Variants in PCDH19 observed in about 807,000 individuals in gnomAD.
PCDH19 encodes the protein protocadherin-19.
In PCDH19, 6 loss-of-function variants were observed where a neutral mutation model predicts 46.2. That is an observed-to-expected ratio of 0.13 (90% CI 0.07 to 0.26). PCDH19 has a LOEUF of 0.26. Among genes scored for constraint, PCDH19 ranks in the 10% least tolerant of loss-of-function variants. The pLI, the probability that PCDH19 is intolerant of heterozygous loss-of-function variation, is 1.00. For missense variants in PCDH19, 740 were observed against 972.3 expected, an observed-to-expected ratio of 0.76 and a Z score of 3.18; for synonymous variants, 481 against 415.7, an observed-to-expected ratio of 1.16 and a Z score of -1.91.
intron 5 of PCDH19, among the ~76,000 whole-genome samples, chrX:100,303,898 T>C (rs1453251014): frequency 8.9e-6 from 1 of 112,480 alleles, no homozygotes; most frequent in Non-Finnish European, 1.9e-5. Context: ...CTGATTGGCA[T>C]TCAAAACACC....
At chrX:100,346,386 T>C (rs1030233626) in intron 4 of PCDH19, among the ~76,000 whole-genome samples, 4 of 112,010 alleles carry the variant, frequency 3.6e-5, no homozygotes, top group Non-Finnish European at 5.6e-5. Context: ...TAACTGTATT[T>C]AAGTAATACA....
intron 3 of PCDH19, 99 bp from the exon 4 acceptor site, chrX:100,350,803 G>T: frequency 1.7e-6 from 1 of 585,714 alleles, no homozygotes; most frequent in Non-Finnish European, 2.9e-6. Flanking sequence ...GGGTCAAGAA[G>T]CAGTGAGTGA....
At chrX:100,392,663 C>T (rs1381542396) in intron 3 of PCDH19, among the ~76,000 whole-genome samples, 1 of 111,573 alleles carries the variant, frequency 9.0e-6, no homozygotes, top group Middle Eastern at 4.2e-3. Flanking sequence ...TGCAGTGTGT[C>T]TGTGTCCTTA....
At chrX:100,324,915 G>A (rs1313393698) in intron 5 of PCDH19, among the ~76,000 whole-genome samples, 1 of 110,885 alleles carries the variant, frequency 9.0e-6, no homozygotes, top group East Asian at 2.8e-4. Flanking sequence ...CCTCCATTCT[G>A]CAGATGAGAA....
rs1418461192 is a variant in PCDH19, at chrX:100,409,193, G to C, written c.-596C>G. On this transcript the variant is annotated 5_prime_UTR_variant, in exon 1 of 6. Coordinates refer to ENST00000373034, the MANE Select transcript of PCDH19 (RefSeq NM_001184880.2). The stretch of plus-strand genomic sequence containing the variant: ...AATGCGCCCTCCGGGGTCTGGGGGG[G>C]CCACACTGGCCTCTTCGAGGCCTGT... 1 of 113,014 alleles carries C rather than the reference G, an allele frequency of 8.8e-6. No homozygotes were observed. Among genetic ancestry groups the C allele is most frequent in the Admixed American group, 9.2e-5 (1 of 10,819 alleles). 9.3% of individuals were successfully genotyped at this position (113,014 alleles called of 1,213,427 possible).
At chrX:100,373,430 G>C (rs185988478) in intron 3 of PCDH19, among the ~76,000 whole-genome samples, 1 of 113,027 alleles carries the variant, frequency 8.8e-6, no homozygotes, top group African/African-American at 3.2e-5. Flanking sequence ...TTGGGGAAAA[G>C]AATCAGCTTC....
intron 5 of PCDH19, among the ~76,000 whole-genome samples, chrX:100,336,992 A>C (rs766569612): frequency 3.6e-5 from 4 of 111,157 alleles, no homozygotes; most frequent in African/African-American, 3.3e-5. Context: ...AAGGAGCCAG[A>C]CCCCAGCCCC....
At chrX:100,340,700 G>T (rs1926229168) in intron 5 of PCDH19, among the ~76,000 whole-genome samples, 1 of 111,943 alleles carries the variant, frequency 8.9e-6, no homozygotes, top group African/African-American at 3.2e-5. Flanking sequence ...GTCTGCTGGG[G>T]AGGGAATGGA....
intron 3 of PCDH19, among the ~76,000 whole-genome samples, chrX:100,351,220 C>T (rs1021845953): frequency 8.9e-6 from 1 of 112,837 alleles, no homozygotes; most frequent in Non-Finnish European, 1.9e-5. Flanking sequence ...GCAGGAAGGC[C>T]TTTGTTTTAT....
At chrX:100,338,710 C>T (rs1464535426) in intron 5 of PCDH19, among the ~76,000 whole-genome samples, 2 of 110,750 alleles carry the variant, frequency 1.8e-5, no homozygotes, top group Non-Finnish European at 3.8e-5. Flanking sequence ...GTCATTCACA[C>T]CGATCATTCT....
chrX:100,338,257 G>C (rs977529807), intron 5 of PCDH19, among the ~76,000 whole-genome samples: 48 of 105,849 alleles, frequency 4.5e-4, no homozygotes, highest in African/African-American at 1.4e-3. Flanking sequence ...CAGGAGAATG[G>C]CGTGAACCCG....
chrX:100,388,467 A>T (rs756545813), intron 3 of PCDH19, among the ~76,000 whole-genome samples: 1 of 110,664 alleles, frequency 9.0e-6, no homozygotes, highest in East Asian at 2.8e-4. Context: ...ATATATCATA[A>T]TATATTTAGC....
intron 3 of PCDH19, among the ~76,000 whole-genome samples, chrX:100,384,271 A>G (rs959558826): frequency 4.5e-5 from 5 of 111,621 alleles, no homozygotes; most frequent in African/African-American, 1.6e-4. Flanking sequence ...AAAGTCATTC[A>G]ACAAACTGAA....
chrX:100,350,296 T>C (rs1926530831), intron 4 of PCDH19, among the ~76,000 whole-genome samples: 1 of 111,846 alleles, frequency 8.9e-6, no homozygotes, highest in African/African-American at 3.2e-5. Flanking sequence ...AGAAATAATA[T>C]TAGAAATTAG....
chrX:100,360,392 A>T (rs1926846404), intron 3 of PCDH19, among the ~76,000 whole-genome samples: 1 of 112,366 alleles, frequency 8.9e-6, no homozygotes, highest in African/African-American at 3.2e-5. Flanking sequence ...TTTTCTAATT[A>T]GATACAATAC....
chrX:100,401,373 C>T (rs1455549105), intron 3 of PCDH19, among the ~76,000 whole-genome samples: 1 of 112,251 alleles, frequency 8.9e-6, no homozygotes, highest in Non-Finnish European at 1.9e-5. Context: ...TCTACTTAAG[C>T]CCGGTGCAGT....
rs11797244 is a variant in PCDH19, at chrX:100,317,152, C to T, written c.2849-20277G>A. Reference sequence around the variant, plus strand: ...CTAGGAGCTGAGCAAGCCGACTCCGCAGGGTGTGGACTGAAGTGGGTGGAA... The same window carrying T: ...CTAGGAGCTGAGCAAGCCGACTCCGTAGGGTGTGGACTGAAGTGGGTGGAA... On this transcript the variant is annotated intron_variant, in intron 5 of 5. Coordinates refer to ENST00000373034, the MANE Select transcript of PCDH19 (RefSeq NM_001184880.2). 7.9e-3 allele frequency among the ~76,000 whole-genome samples: 884 copies of T among 111,682 alleles called. 2 individuals carry two copies. Among genetic ancestry groups the T allele is most frequent in the Non-Finnish European group, 0.013 (671 of 53,181 alleles).
intron 3 of PCDH19, among the ~76,000 whole-genome samples, chrX:100,385,830 TTTGCAGTGAGCCGAGA>T (rs1927697853): frequency 9.1e-6 from 1 of 110,455 alleles, no homozygotes; most frequent in South Asian, 3.9e-4. Context: ...GGAGGCAGAG[TTTGCAGTGAGCCGAGA>T]TCGAGCCACT....
intron 4 of PCDH19, among the ~76,000 whole-genome samples, chrX:100,345,808 C>A (rs1926382723): frequency 9.0e-6 from 1 of 111,699 alleles, no homozygotes; most frequent in Non-Finnish European, 1.9e-5. Context: ...GTTTGCCCAT[C>A]TGACAAACTA....
Sources: allele counts gnomAD v4.1 joint callset (sites outside exome capture counted in the v4.1 genomes callset), GRCh38; gene constraint gnomAD v4.1.1; transcripts MANE v1.5; gene names NCBI Gene and HGNC (gene_info 2026-07-23, HGNC 2026-07-21).